Variants in HSPA4L observed in about 807,000 individuals in gnomAD.
The protein encoded by HSPA4L is heat shock 70 kDa protein 4L.
HSPA4L carries 48 observed loss-of-function variants against 100.3 expected under a neutral mutation model. The ratio of observed to expected loss-of-function variants is 0.48; its 90% confidence interval spans 0.38 to 0.61. The LOEUF is 0.61. Among genes scored for constraint, HSPA4L ranks in the 20% least tolerant of loss-of-function variants. The pLI is 0.00. For missense variants in HSPA4L, 886 were observed against 988.6 expected (o/e 0.90, Z 1.39); for synonymous variants, 319 against 328.2 (o/e 0.97, Z 0.30).
intron 16 of HSPA4L, among the ~76,000 whole-genome samples, 165 bp from the exon 17 acceptor site, chr4:127,827,140 T>C (rs573964193): frequency 1.1e-4 from 17 of 152,144 alleles, no homozygotes; most frequent in East Asian, 3.9e-4. Context: ...TTGTGTAGGA[T>C]TGAGGAAGTA....
chr4:127,801,111 T>C (rs1394564922), intron 4 of HSPA4L, 27 bp from the exon 5 acceptor site: 1 of 1,511,206 alleles, frequency 6.6e-7, no homozygotes, highest in Non-Finnish European at 9.1e-7. Context: ...TAAAACATTA[T>C]ACTTAACTGT....
intron 12 of HSPA4L, chr4:127,813,493 T>G: frequency 4.0e-6 from 1 of 247,156 alleles, no homozygotes; most frequent in South Asian, 9.1e-5. Flanking sequence ...TTTTCATAAA[T>G]TAACATAATA....
At chr4:127,813,609 C>T (rs1733599261) in intron 12 of HSPA4L, 1 of 178,392 alleles carries the variant, frequency 5.6e-6, no homozygotes, top group Non-Finnish European at 1.2e-5. Context: ...CTTTGTATGC[C>T]TTCTAAGACC....
rs1480595099 is a variant in HSPA4L at position 127,827,389 on chromosome 4, C to T, written c.2131C>T (p.Leu711Phe). The T allele has an allele frequency of 6.2e-7, 1 of 1,613,670 alleles. No individual in the cohort carries two copies. Among genetic ancestry groups the T allele is most frequent in the South Asian group, 1.1e-5 (1 of 91,066 alleles). Residue 711 changes from leucine (L) to phenylalanine (F), a missense_variant, in exon 17 of 19, where the codon CTT (leucine) becomes TTT (phenylalanine). Transcript: ENST00000296464. The part of the protein sequence containing the change: ...ALNDLGKKIQ[L>F]VMKVIEAYRN... ...AAATGACTTGGGAAAAAAGATCCAA[C>T]TTGTCATGAAAGTGATAGAAGCTTA...
chr4:127,794,021 A>G, intron 1 of HSPA4L, 56 bp from the exon 2 acceptor site: 1 of 1,253,318 alleles, frequency 8.0e-7, no homozygotes, highest in Non-Finnish European at 1.1e-6. Flanking sequence ...GAAGCAAAAT[A>G]ATAGCACAAT....
chr4:127,827,765 A>C (rs1377549770), intron 17 of HSPA4L, among the ~76,000 whole-genome samples: 2 of 151,968 alleles, frequency 1.3e-5, no homozygotes, highest in Non-Finnish European at 1.5e-5. Flanking sequence ...CTTTTTTTAA[A>C]TTATGGGCCT....
rs1734244128 is a variant in HSPA4L at position 127,837,628 on chromosome 4, T to C, written c.*4754T>C. 1 of 152,312 alleles carries C rather than the reference T, an allele frequency of 6.6e-6. No homozygotes were observed. Among genetic ancestry groups the C allele is most frequent in the Admixed American group, 6.5e-5 (1 of 15,294 alleles). The allele number at this position is 152,312 out of a possible 1,614,324, so 9.4% of individuals were successfully genotyped here. ...CTTTTGGTTTTTGCCCAACATTTGA[T>C]TTAATCTAAAGCAAGAATATAAAAT... On this transcript the variant is annotated 3_prime_UTR_variant, in exon 19 of 19. Transcript: ENST00000296464.
intron 1 of HSPA4L, among the ~76,000 whole-genome samples, chr4:127,787,577 G>T (rs946010991): frequency 1.3e-5 from 2 of 152,048 alleles, no homozygotes; most frequent in Admixed American, 6.6e-5. Context: ...TTAAAAAATA[G>T]TTTTTAAGTA....
intron 2 of HSPA4L, 30 bp from the exon 3 acceptor site, chr4:127,795,738 C>T (rs1268974409): frequency 1.2e-6 from 2 of 1,607,130 alleles, no homozygotes; most frequent in Non-Finnish European, 1.7e-6. Flanking sequence ...TATTAGGTAA[C>T]TGATAAATAC....
At chr4:127,782,038 CCGAGCGAGGG>C, upstream of HSPA4L, 1 of 454,932 alleles carries the variant, frequency 2.2e-6, no homozygotes, top group Non-Finnish European at 4.4e-6. Context: ...CGTCCTACTG[CCGAGCGAGGG>C]CGAGCAAGCC....
intron 11 of HSPA4L, among the ~76,000 whole-genome samples, chr4:127,811,049 T>G (rs1349667529): frequency 6.6e-6 from 1 of 152,180 alleles, no homozygotes; most frequent in African/African-American, 2.4e-5. Flanking sequence ...TTTGTAAAGC[T>G]TATATCAAAA....
intron 11 of HSPA4L, among the ~76,000 whole-genome samples, chr4:127,810,060 TTCTTCTATAAACATCTTCTATAAACCA>T (rs1733481732): frequency 6.6e-6 from 1 of 151,974 alleles, no homozygotes; most frequent in Non-Finnish European, 1.5e-5. Flanking sequence ...TATAAACATA[TTCTTCTATAAACATCTTCTATAAACCA>T]TCTTCTATAA....
chr4:127,801,948 C>T (rs1230202257), intron 6 of HSPA4L, 30 bp downstream of exon 6: 2 of 1,553,934 alleles, frequency 1.3e-6, no homozygotes, highest in Admixed American at 1.9e-5. Context: ...GTTATATTTA[C>T]ATATGTTAAG....
chr4:127,837,766 A>G lies in HSPA4L; in HGVS notation c.*4892A>G, dbSNP rs1734247409. 1 of 152,096 alleles carries G rather than the reference A, an allele frequency of 6.6e-6. No individual in the cohort carries two copies. The highest frequency in any genetic ancestry group is 1.5e-5 in the Non-Finnish European group (1 of 68,016). The allele number at this position is 152,096 out of a possible 1,614,324, so 9.4% of individuals were successfully genotyped here. A position where few individuals can be genotyped will look rare whatever the true frequency, so the allele number is the denominator to read the frequency against. ...AAAAAGAAACTTTAGCTGTTTAACT[A>G]TCACCTCTCTAATTTAAAATGCATG... On this transcript the variant is annotated 3_prime_UTR_variant, in exon 19 of 19. Coordinates refer to ENST00000296464, the MANE Select transcript of HSPA4L (RefSeq NM_014278.4).
intron 11 of HSPA4L, chr4:127,809,615 A>G: frequency 1.7e-6 from 1 of 577,450 alleles, no homozygotes. Context: ...TGTGTAAGTG[A>G]AAGCAGAAAG....
Position 127,839,708 on chromosome 4 carries a change from AGT to A in HSPA4L, c.*6837_*6838del, listed in dbSNP as rs1292249895. 5 of 151,976 alleles carry A rather than the reference AGT, an allele frequency of 3.3e-5. No homozygotes were observed. The highest frequency in any genetic ancestry group is 1.2e-4 in the African/African-American group (5 of 41,442). 9.4% of individuals were successfully genotyped at this position (151,976 alleles called of 1,614,324 possible). On this transcript the variant is annotated 3_prime_UTR_variant, in exon 19 of 19. Coordinates refer to ENST00000296464, the MANE Select transcript of HSPA4L (RefSeq NM_014278.4). The stretch of plus-strand genomic sequence containing the variant: ...AGACTCTGTCTCAAAAAAAAAAAAA[AGT>A]GTAATTAGAAATGGAAATCTAGGTA...
chr4:127,796,656 G>T (rs1733029877), intron 3 of HSPA4L, among the ~76,000 whole-genome samples: 1 of 152,112 alleles, frequency 6.6e-6, no homozygotes, highest in Admixed American at 6.5e-5. Flanking sequence ...ATGGAGTACT[G>T]GTATGTGCTA....
At chr4:127,789,253 G>A (rs2148775771) in intron 1 of HSPA4L, among the ~76,000 whole-genome samples, 1 of 152,318 alleles carries the variant, frequency 6.6e-6, no homozygotes, top group East Asian at 1.9e-4. Context: ...AGGACATTTA[G>A]AAATCTTCAT....
intron 2 of HSPA4L, among the ~76,000 whole-genome samples, chr4:127,794,634 A>G (rs1056448690): frequency 6.6e-6 from 1 of 152,046 alleles, no homozygotes; most frequent in African/African-American, 2.4e-5. Context: ...CCATGTTATA[A>G]ACTGATTTTC....
Sources: allele counts gnomAD v4.1 joint callset (sites outside exome capture counted in the v4.1 genomes callset), GRCh38; gene constraint gnomAD v4.1.1; transcripts MANE v1.5; gene names NCBI Gene and HGNC (gene_info 2026-07-23, HGNC 2026-07-21).